Variants in ZNF746 observed in about 807,000 individuals in gnomAD.
The protein encoded by ZNF746 is parkin-interacting substrate.
Under a neutral mutation model 41.0 loss-of-function variants are expected in ZNF746, and 13 were observed. The observed-to-expected ratio is 0.32, with a 90% CI of 0.21 to 0.50. The LOEUF (loss-of-function observed/expected upper bound fraction) is 0.50. Among genes scored for constraint, ZNF746 ranks in the 20% least tolerant of loss-of-function variants. ZNF746 has a pLI of 0.98. For missense variants in ZNF746, 811 were observed against 922.9 expected, an observed-to-expected ratio of 0.88 and a Z score of 1.57; for synonymous variants, 424 against 396.2, an observed-to-expected ratio of 1.07 and a Z score of -0.83.
At chr7:149,491,652 T>G (rs1585738924) in intron 4 of ZNF746, 3 of 544,944 alleles carry the variant, frequency 5.5e-6, no homozygotes, top group East Asian at 6.0e-5. Context: ...CAAATCTGAC[T>G]GAGATGAGAT....
rs930356776 is a variant in ZNF746 at position 149,477,976 on chromosome 7, G to A, written c.566-221C>T. On this transcript the variant is annotated intron_variant, in intron 4 of 6. Transcript: ENST00000458143. ...GGTAGGGTAGGAAAGGCTGAGGCGG[G>A]GGAGGGGAAGAATACACAAGCACAT... 2.3e-5 allele frequency: 10 copies of A among 442,422 alleles called. No homozygotes were observed. In the Admixed American group the frequency reaches 3.0e-4, roughly 13 times the overall value. 27.4% of individuals were successfully genotyped at this position (442,422 alleles called of 1,614,324 possible).
Position 149,475,345 on chromosome 7 carries a change from T to A in ZNF746, c.1022A>T (p.Gln341Leu). 6.2e-7 allele frequency: 1 copy of A among 1,614,150 alleles called. No individual in the cohort carries two copies. Among genetic ancestry groups the A allele is most frequent in the Non-Finnish European group, 8.5e-7 (1 of 1,180,028 alleles). Reference protein sequence around the residue: ...QATRFFPSPAQEGAWESQGSS... With the variant: ...QATRFFPSPALEGAWESQGSS... Reference sequence around the variant, plus strand: ...GCCCTGGCTTTCCCAGGCTCCTTCCTGGGCAGGACTAGGGAAGAACCGTGT... The same window carrying A: ...GCCCTGGCTTTCCCAGGCTCCTTCCAGGGCAGGACTAGGGAAGAACCGTGT... Residue 341 changes from glutamine to leucine, a missense_variant, in exon 7 of 7, where the codon CAG becomes CTG. Coordinates refer to ENST00000458143, the MANE Select transcript of ZNF746 (RefSeq NM_001394198.1).
At position 149,474,831 on chromosome 7, in the gene ZNF746, ACCGCCGCCGCCACTGCCGCTG is replaced by A; in HGVS notation, c.1515_1535del (p.Ser506_Gly512del). The A allele has an allele frequency of 6.4e-6, 9 of 1,414,568 alleles. No homozygotes were observed. The highest frequency in any genetic ancestry group is 8.2e-6 in the Non-Finnish European group (9 of 1,091,306). 87.6% of individuals were successfully genotyped at this position (1,414,568 alleles called of 1,614,324 possible). ...GTGCGCTGCCCCCACCGCTGCCGCC[ACCGCCGCCGCCACTGCCGCTG>A]CCGCCACCGCCTGTGCCCGGGCCCG... is the stretch of plus-strand genomic sequence containing the variant. On this transcript the variant is annotated inframe_deletion, in exon 7 of 7. Coordinates refer to ENST00000458143, the MANE Select transcript of ZNF746 (RefSeq NM_001394198.1). This position sits in a 1 kb window ranked among gnomAD's most constrained non-coding sequence, Gnocchi z 6.3.
At chr7:149,485,295 T>G (rs1053156260) in intron 4 of ZNF746, among the ~76,000 whole-genome samples, 1 of 152,088 alleles carries the variant, frequency 6.6e-6, no homozygotes, top group Non-Finnish European at 1.5e-5. Flanking sequence ...ATAGTAAAAG[T>G]GTCAATTCTC....
Position 149,494,089 on chromosome 7 carries a change from G to A in ZNF746, c.351C>T (p.Ala117=), listed in dbSNP as rs376773676. The change falls in exon 3 of 7, where the codon GCC becomes GCT. Residue 117 remains alanine, a synonymous_variant. Coordinates refer to ENST00000458143, the MANE Select transcript of ZNF746 (RefSeq NM_001394198.1). This position sits in a 1 kb window ranked among gnomAD's most constrained non-coding sequence, Gnocchi z 5.6. ...CCCACTCCTGCTCGGAGAAATACAC[G>A]GCCACATCATCAAAGGTCACGGGCA... ...PKVPVTFDDV[A]VYFSEQEWGK... 3.5e-5 allele frequency: 56 copies of A among 1,614,020 alleles called. No individual in the cohort carries two copies. Among genetic ancestry groups the A allele is most frequent in the Non-Finnish European group, 4.1e-5 (48 of 1,180,018 alleles).
rs866461394 is a variant in ZNF746, at chr7:149,494,844, G to A, written c.25-341C>T. ...ATACCACTGTCCTTGACACATGGCA[G>A]GTACCCAGTGCAATTTTGTTACGTA... On this transcript the variant is annotated intron_variant, in intron 1 of 6. Transcript: ENST00000458143. This position sits in a 1 kb window ranked among gnomAD's most constrained non-coding sequence, Gnocchi z 5.6. Among the ~76,000 whole-genome samples, 19 of 152,030 alleles carry A rather than the reference G, an allele frequency of 1.2e-4. No individual in the cohort carries two copies. The highest frequency in any genetic ancestry group is 4.6e-4 in the African/African-American group (19 of 41,512).
intron 4 of ZNF746, 86 bp from the exon 5 acceptor site, chr7:149,477,841 AG>A: frequency 8.3e-7 from 1 of 1,202,200 alleles, no homozygotes. Context: ...AGATAGACAC[AG>A]GGGCCTTACA....
At position 149,494,156 on chromosome 7, in the gene ZNF746, C is replaced by T. The variant is rs754347551; in HGVS notation, c.325-41G>A. 14 of 1,613,704 alleles carry T rather than the reference C, an allele frequency of 8.7e-6. No homozygotes were observed. The highest frequency in any genetic ancestry group is 4.5e-5 in the East Asian group (2 of 44,870). ...TCACACTCGCTCACCCACACGCTCA[C>T]GGGTTTGGCCGCTTGGGCTCCCACA... is the stretch of plus-strand genomic sequence containing the variant. On this transcript the variant is annotated intron_variant, in intron 2 of 6. Coordinates refer to ENST00000458143, the MANE Select transcript of ZNF746 (RefSeq NM_001394198.1). The surrounding 1 kb of genome is among the most constrained non-coding windows in gnomAD (Gnocchi z 5.6).
chr7:149,475,254 C>T lies in ZNF746; in HGVS notation c.1113G>A (p.Met371Ile), dbSNP rs777942769. ...LREPARPERD[M>I]GELSPAVAQE... is the part of the protein sequence containing the mutation. The stretch of plus-strand genomic sequence containing the variant: ...GGGCCACAGCAGGACTGAGCTCACC[C>T]ATGTCCCTCTCAGGCCGGGCGGGCT... Residue 371 changes from methionine (M) to isoleucine (I), a missense_variant, in exon 7 of 7, where the codon ATG becomes ATA. Around this residue, in one of 4 missense-constraint regions of ZNF746, gnomAD observed 495 missense variants for 481.6 expected, o/e 1.03. Coordinates refer to ENST00000458143, the MANE Select transcript of ZNF746 (RefSeq NM_001394198.1). The T allele has an allele frequency of 3.2e-5, 52 of 1,613,216 alleles. No individual in the cohort carries two copies. The highest frequency in any genetic ancestry group is 4.2e-5 in the Non-Finnish European group (49 of 1,179,586).
rs1216766866 is a variant in ZNF746 at position 149,494,829 on chromosome 7, C to G, written c.25-326G>C. ...GTATTGCATCTTTTCATACCACTGT[C>G]CTTGACACATGGCAGGTACCCAGTG... On this transcript the variant is annotated intron_variant, in intron 1 of 6. Transcript: ENST00000458143. The surrounding 1 kb of genome is among the most constrained non-coding windows in gnomAD (Gnocchi z 5.6). Among the ~76,000 whole-genome samples the G allele has an allele frequency of 6.6e-6, 1 of 152,030 alleles. No individual in the cohort carries two copies. Among genetic ancestry groups the G allele is most frequent in the East Asian group, 1.9e-4 (1 of 5,158 alleles).
chr7:149,485,412 A>T (rs2116661827), intron 4 of ZNF746, among the ~76,000 whole-genome samples: 1 of 152,342 alleles, frequency 6.6e-6, no homozygotes, highest in Admixed American at 6.5e-5. Context: ...AGCAAAGGAA[A>T]AGAAGAACCA....
chr7:149,486,203 C>T lies in ZNF746; in HGVS notation c.565+6656G>A, dbSNP rs144599413. ...AACCATTTCACTCCCACCAAACGGG[C>T]AGAAATAAAAACAGCATTTCCCAGG... On this transcript the variant is annotated intron_variant, in intron 4 of 6. Transcript: ENST00000458143. Among the ~76,000 whole-genome samples the T allele has an allele frequency of 3.0e-3, 449 of 152,200 alleles. 4 individuals are homozygous for T. The highest frequency in any genetic ancestry group is 0.01 in the African/African-American group (430 of 41,534).
Position 149,494,396 on chromosome 7 carries a change from C to G in ZNF746, c.132G>C (p.Lys44Asn), listed in dbSNP as rs1482018349. Residue 44 changes from lysine (K) to asparagine (N), a missense_variant, in exon 2 of 7, where the codon AAG becomes AAC. Coordinates refer to ENST00000458143, the MANE Select transcript of ZNF746 (RefSeq NM_001394198.1). The surrounding 1 kb of genome is among the most constrained non-coding windows in gnomAD (Gnocchi z 5.6). ...CTGTCTTCTCGCAATCAGCCAGCTT[C>G]TTCTCGGCCATCCCGGTTCGACCTT... Reference protein sequence around the residue: ...SLEGRTGMAEKKLADCEKTAV... With the variant: ...SLEGRTGMAENKLADCEKTAV... 6.2e-7 allele frequency: 1 copy of G among 1,614,042 alleles called. No individual in the cohort carries two copies. The highest frequency in any genetic ancestry group is 1.7e-5 in the Admixed American group (1 of 60,028).
chr7:149,477,617 C>T lies in ZNF746; in HGVS notation c.704G>A (p.Gly235Asp). Residue 235 changes from glycine to aspartate, a missense_variant, in exon 5 of 7, where the codon GGC becomes GAC. This residue lies in a region of ZNF746 where 495 missense variants were observed against 481.6 expected (regional missense o/e 1.03). Transcript: ENST00000458143. ...TGCTCCGGAATCCAGCTGGCTGAGG[C>T]CCCAGGGCTCCTCCCCAATATCTGG... ...GQPDIGEEPW[G>D]LSQLDSGAGD... The T allele has an allele frequency of 1.2e-6, 2 of 1,613,892 alleles. No individual in the cohort carries two copies. Among genetic ancestry groups the T allele is most frequent in the Non-Finnish European group, 8.5e-7 (1 of 1,179,860 alleles).
intron 5 of ZNF746, 48 bp from the exon 6 acceptor site, chr7:149,477,095 A>G: frequency 6.4e-7 from 1 of 1,568,212 alleles, no homozygotes; most frequent in South Asian, 1.2e-5. Context: ...ACGGACGGGG[A>G]GGACAGAAGA....
At chr7:149,484,195 T>C (rs1800558396) in intron 4 of ZNF746, among the ~76,000 whole-genome samples, 2 of 152,112 alleles carry the variant, frequency 1.3e-5, no homozygotes, top group Non-Finnish European at 2.9e-5. Flanking sequence ...AATGAATACA[T>C]CATAGCTCAT....
chr7:149,477,597 C>T lies in ZNF746; in HGVS notation c.724G>A (p.Gly242Arg), dbSNP rs201065548. The T allele has an allele frequency of 1.5e-5, 24 of 1,612,890 alleles. No homozygotes were observed. The highest frequency in any genetic ancestry group is 6.7e-5 in the Admixed American group (4 of 59,954). The change falls in exon 5 of 7, where the codon GGA (glycine) becomes AGA (arginine). Residue 242 changes from glycine (G) to arginine (R), a missense_variant. This residue lies in a region of ZNF746 where 495 missense variants were observed against 481.6 expected (regional missense o/e 1.03). Transcript: ENST00000458143. ...GCATCCGTGGAGATGTCTCCTGCTC[C>T]GGAATCCAGCTGGCTGAGGCCCCAG... Reference protein sequence around the residue: ...EPWGLSQLDSGAGDISTDATS... With the variant: ...EPWGLSQLDSRAGDISTDATS...
Position 149,475,068 on chromosome 7 carries a change from G to T in ZNF746, c.1299C>A (p.Ala433=), listed in dbSNP as rs748215574. ...NGEAILDPSQ[A]PRPFNEPCKY... ...TACAGGGTTCGTTGAATGGCCTTGGGGCCTGGCTGGGGTCCAAGATGGCCT... is the reference window on the plus strand; with the variant it reads ...TACAGGGTTCGTTGAATGGCCTTGGTGCCTGGCTGGGGTCCAAGATGGCCT... Residue 433 remains alanine, a synonymous_variant, in exon 7 of 7, where the codon GCC becomes GCA. Coordinates refer to ENST00000458143, the MANE Select transcript of ZNF746 (RefSeq NM_001394198.1). 8 of 1,591,604 alleles carry T rather than the reference G, an allele frequency of 5.0e-6. No individual in the cohort carries two copies. Among genetic ancestry groups the T allele is most frequent in the Admixed American group, 1.8e-5 (1 of 55,710 alleles).
At chr7:149,485,694 G>C (rs1800604587) in intron 4 of ZNF746, among the ~76,000 whole-genome samples, 1 of 151,554 alleles carries the variant, frequency 6.6e-6, no homozygotes, top group Admixed American at 6.6e-5. Flanking sequence ...AAATGGAGAA[G>C]ATAACGGCAA....
Sources: allele counts gnomAD v4.1 joint callset (sites outside exome capture counted in the v4.1 genomes callset), GRCh38; gene constraint gnomAD v4.1.1; regional missense constraint gnomAD v4.1.1; non-coding constraint Gnocchi (gnomAD v3.1); transcripts MANE v1.5; gene names NCBI Gene and HGNC (gene_info 2026-07-23, HGNC 2026-07-21).